ARHGAP15: variants seen among roughly 807,000 people sequenced by gnomAD.
ARHGAP15 encodes Rho GTPase activating protein 15.
Under a neutral mutation model 63.7 loss-of-function variants are expected in ARHGAP15, and 51 were observed. The observed-to-expected ratio is 0.80, with a 90% CI of 0.64 to 1.01. The LOEUF (loss-of-function observed/expected upper bound fraction) is 1.01, where lower values mean the gene tolerates loss of function less well. Ranked by LOEUF, ARHGAP15 falls within the 50% of genes least tolerant of loss-of-function variation. The probability of loss-of-function intolerance (pLI) is 0.00; values close to 1 mark genes in which losing one functional copy is unlikely to be tolerated. For missense variants in ARHGAP15, 560 were observed against 564.6 expected (o/e 0.99, Z 0.08); for synonymous variants, 191 against 193.8 (o/e 0.99, Z 0.12).
chr2:143,648,893 G>A (rs896899058), intron 12 of ARHGAP15: 10 of 151,898 alleles, frequency 6.6e-5, no homozygotes, highest in African/African-American at 2.4e-4. Flanking sequence ...TGAACAGTAA[G>A]GTAGTCTTTG....
chr2:143,318,467 T>A lies in ARHGAP15; in HGVS notation c.474+67867T>A, dbSNP rs964813126. On this transcript the variant is annotated intron_variant, in intron 6 of 13. Transcript: ENST00000295095. Reference sequence around the variant, plus strand: ...TTATGAATCTAAAAACGGGAGTTTATTATCTTAGAAAAAGCCATCACTTCA... The same window carrying A: ...TTATGAATCTAAAAACGGGAGTTTAATATCTTAGAAAAAGCCATCACTTCA... Among the ~76,000 whole-genome samples, 3 of 151,356 alleles carry A rather than the reference T, an allele frequency of 2.0e-5. No homozygotes were observed. In the East Asian group the frequency reaches 5.8e-4, roughly 29 times the overall value.
intron 5 of ARHGAP15, among the ~76,000 whole-genome samples, chr2:143,249,633 G>C (rs930423301): frequency 6.6e-6 from 1 of 151,994 alleles, no homozygotes; most frequent in Non-Finnish European, 1.5e-5. Context: ...TTCTCAACTG[G>C]TAAACTTTTT....
intron 10 of ARHGAP15, among the ~76,000 whole-genome samples, chr2:143,540,158 C>G (rs891550879): frequency 2.6e-4 from 40 of 152,032 alleles, no homozygotes; most frequent in Non-Finnish European, 3.2e-4. Context: ...CTCTTTTGAT[C>G]TTTGTTGGTT....
chr2:143,449,099 T>C (rs538318276), intron 8 of ARHGAP15, among the ~76,000 whole-genome samples: 22 of 152,042 alleles, frequency 1.4e-4, no homozygotes, highest in Non-Finnish European at 2.8e-4. Context: ...ACGGACTAAA[T>C]GAGAAAGAAC....
rs189537188 is a variant in ARHGAP15 at position 143,684,747 on chromosome 2, G to A, written c.1139-18672G>A. On this transcript the variant is annotated intron_variant, in intron 12 of 13. Transcript: ENST00000295095. ...TGCTTTAAGATTCCCATCAAATTTC[G>A]TTTTTATAGAGAAATCTCTGAAAGC... Among the ~76,000 whole-genome samples, 215 of 152,242 alleles carry A rather than the reference G, an allele frequency of 1.4e-3. 1 individual carries two copies. The highest frequency in any genetic ancestry group is 2.1e-3 in the Admixed American group (32 of 15,288).
chr2:143,419,215 T>C (rs1688807358), intron 6 of ARHGAP15, among the ~76,000 whole-genome samples: 1 of 152,034 alleles, frequency 6.6e-6, no homozygotes, highest in South Asian at 2.1e-4. Context: ...GAGTTTCTTA[T>C]AAAATTCACA....
chr2:143,522,787 G>T (rs775669687), intron 10 of ARHGAP15, among the ~76,000 whole-genome samples: 1 of 152,146 alleles, frequency 6.6e-6, no homozygotes, highest in Non-Finnish European at 1.5e-5. Context: ...GCCATGGGTT[G>T]GGAAAGCTTG....
chr2:143,526,418 T>A (rs141720722), intron 10 of ARHGAP15, among the ~76,000 whole-genome samples: 1 of 151,644 alleles, frequency 6.6e-6, no homozygotes, highest in East Asian at 1.9e-4. Flanking sequence ...GTTTAGGTTC[T>A]TAACATACTT....
In ARHGAP15 at chr2:143,144,757, G is replaced by C. The variant is rs117994383; in HGVS notation, c.-14-10720G>C. 8.6e-5 allele frequency among the ~76,000 whole-genome samples: 13 copies of C among 151,990 alleles called. No individual in the cohort carries two copies. In the East Asian group the frequency reaches 2.5e-3, roughly 30 times the overall value. ...TTGCCCATACCCCTACCCCTCACCAGCATATTCTAAAGTGAACTTTCATTC... is the reference window on the plus strand; with the variant it reads ...TTGCCCATACCCCTACCCCTCACCACCATATTCTAAAGTGAACTTTCATTC... On this transcript the variant is annotated intron_variant, in intron 1 of 13. Coordinates refer to ENST00000295095, the MANE Select transcript of ARHGAP15 (RefSeq NM_018460.4).
At chr2:143,637,754 G>A (rs985970388) in intron 12 of ARHGAP15, among the ~76,000 whole-genome samples, 8 of 148,200 alleles carry the variant, frequency 5.4e-5, no homozygotes, top group African/African-American at 1.7e-4. Context: ...AAACTCATCC[G>A]ACAAAGGGCT....
At chr2:143,435,860 C>T (rs1458209925) in intron 7 of ARHGAP15, among the ~76,000 whole-genome samples, 161 bp downstream of exon 7, 2 of 152,062 alleles carry the variant, frequency 1.3e-5, no homozygotes, top group African/African-American at 4.8e-5. Context: ...ACCTTTTCAG[C>T]AGACAGGATT....
chr2:143,149,439 G>A (rs565620273), intron 1 of ARHGAP15, among the ~76,000 whole-genome samples: 1 of 151,918 alleles, frequency 6.6e-6, no homozygotes, highest in Admixed American at 6.6e-5. Context: ...TTCTTTTAGG[G>A]AAAAATATCA....
intron 6 of ARHGAP15, among the ~76,000 whole-genome samples, chr2:143,288,718 G>GAT (rs1682239992): frequency 6.6e-6 from 1 of 150,476 alleles, no homozygotes; most frequent in South Asian, 2.1e-4. Context: ...AAATCCCTAA[G>GAT]ATCTTGACAC....
At chr2:143,621,672 T>G (rs747335369) in intron 11 of ARHGAP15, among the ~76,000 whole-genome samples, 1 of 152,234 alleles carries the variant, frequency 6.6e-6, no homozygotes, top group Non-Finnish European at 1.5e-5. Context: ...AGTAGGAATC[T>G]TGGTTTAAGG....
intron 1 of ARHGAP15, among the ~76,000 whole-genome samples, chr2:143,153,818 CTTCTTCTTCT>C (rs1558779244): frequency 2.1e-3 from 177 of 83,548 alleles, no homozygotes; most frequent in African/African-American, 6.8e-3. Context: ...TCTTCTTCTT[CTTCTTCTTCT>C]TCTTCTTCTT....
chr2:143,451,757 T>G (rs186458788), intron 8 of ARHGAP15, among the ~76,000 whole-genome samples: 10 of 152,088 alleles, frequency 6.6e-5, no homozygotes, highest in African/African-American at 2.2e-4. Context: ...TTTTGGCACT[T>G]AAGTGCTTAT....
intron 10 of ARHGAP15, among the ~76,000 whole-genome samples, chr2:143,542,746 GAT>G (rs1226330110): frequency 3.3e-5 from 3 of 91,006 alleles, no homozygotes; most frequent in Admixed American, 1.2e-4. Context: ...ATATATATAT[GAT>G]ATATATAATA....
intron 3 of ARHGAP15, among the ~76,000 whole-genome samples, chr2:143,212,728 C>T (rs1054670656): frequency 6.6e-5 from 10 of 152,092 alleles, no homozygotes; most frequent in Admixed American, 5.9e-4. Context: ...TAATAAGGTA[C>T]CATATATAAA....
At chr2:143,602,097 G>T (rs867222944) in intron 11 of ARHGAP15, among the ~76,000 whole-genome samples, 4 of 152,058 alleles carry the variant, frequency 2.6e-5, no homozygotes, top group African/African-American at 9.7e-5. Context: ...AACAATATAG[G>T]TGGAGGTTTA....
Sources: allele counts gnomAD v4.1 joint callset (sites outside exome capture counted in the v4.1 genomes callset), GRCh38; gene constraint gnomAD v4.1.1; transcripts MANE v1.5; gene names NCBI Gene and HGNC (gene_info 2026-07-23, HGNC 2026-07-21).